Variants in NBPF3 observed in about 807,000 individuals in gnomAD.
The protein encoded by NBPF3 is NBPF family member NBPF3.
A neutral mutation model predicts 78.1 loss-of-function variants in NBPF3; 57 were observed. The ratio of observed to expected loss-of-function variants is 0.73; its 90% CI spans 0.59 to 0.91. NBPF3 has a LOEUF of 0.91. Ranked by LOEUF, NBPF3 falls within the 40% of genes least tolerant of loss-of-function variation. NBPF3 has a pLI of 0.00. For synonymous variants in NBPF3, 182 were observed against 271.7 expected, an observed-to-expected ratio of 0.67 and a Z score of 3.25; for missense variants, 510 against 715.3, an observed-to-expected ratio of 0.71 and a Z score of 3.27.
chr1:21,440,643 A>G (rs773003070), intron 1 of NBPF3, among the ~76,000 whole-genome samples: 3 of 152,082 alleles, frequency 2.0e-5, no homozygotes, highest in Non-Finnish European at 4.4e-5. Context: ...ACGTCCTCCT[A>G]TATCCTGTAG....
chr1:21,446,887 C>T (rs1412757048), intron 2 of NBPF3, among the ~76,000 whole-genome samples: 8 of 152,138 alleles, frequency 5.3e-5, no homozygotes, highest in Admixed American at 4.6e-4. Context: ...CAGAAACCTG[C>T]ACTGTCTAGA....
At chr1:21,447,978 AT>A (rs1014824841) in intron 2 of NBPF3, among the ~76,000 whole-genome samples, 5 of 150,792 alleles carry the variant, frequency 3.3e-5, no homozygotes, top group African/African-American at 1.2e-4. Context: ...TCTTTCACCT[AT>A]TTTTTTTTCT....
At chr1:21,472,763 T>C in intron 5 of NBPF3, 80 bp from the exon 6 acceptor site, 3 of 979,594 alleles carry the variant, frequency 3.1e-6, no homozygotes, top group Non-Finnish European at 5.0e-6. Flanking sequence ...TAGATGTTCA[T>C]GTCTGTGTGC....
chr1:21,470,094 T>C (rs72872291), intron 3 of NBPF3, among the ~76,000 whole-genome samples: 3,911 of 152,318 alleles, frequency 0.026, 157 homozygotes, highest in African/African-American at 0.088. Flanking sequence ...ATTTCCTTCA[T>C]GGCCTTATGG....
At chr1:21,447,212 TTA>T (rs1641039412) in intron 2 of NBPF3, among the ~76,000 whole-genome samples, 1 of 152,246 alleles carries the variant, frequency 6.6e-6, no homozygotes, top group African/African-American at 2.4e-5. Flanking sequence ...TTAGTATGTT[TTA>T]TGAGTGTGGT....
chr1:21,483,069 C>T (rs1362424730), intron 14 of NBPF3, 74 bp from the exon 15 acceptor site: 8 of 1,601,558 alleles, frequency 5.0e-6, no homozygotes, highest in Non-Finnish European at 6.8e-6. Flanking sequence ...CTTATGTTAC[C>T]CCTGAAATCT....
chr1:21,463,801 T>G (rs2147960627), intron 2 of NBPF3, among the ~76,000 whole-genome samples: 1 of 152,216 alleles, frequency 6.6e-6, no homozygotes. Flanking sequence ...AAGCTGTGAG[T>G]AGAGGTTTCT....
chr1:21,479,595 A>G (rs1408774464), intron 10 of NBPF3, among the ~76,000 whole-genome samples, 195 bp downstream of exon 10: 2 of 152,214 alleles, frequency 1.3e-5, no homozygotes. Flanking sequence ...CTCATTTACT[A>G]ACCTAGTGAA....
intron 1 of NBPF3, 122 bp from the exon 2 acceptor site, chr1:21,444,826 A>G (rs1240598474): frequency 2.2e-5 from 8 of 360,814 alleles, no homozygotes; most frequent in Middle Eastern, 8.5e-4. Flanking sequence ...TCTAGTTCCC[A>G]CCACCTTTCA....
At chr1:21,455,675 T>C (rs116104258) in intron 2 of NBPF3, among the ~76,000 whole-genome samples, 28 of 152,266 alleles carry the variant, frequency 1.8e-4, no homozygotes, top group Non-Finnish European at 2.8e-4. Flanking sequence ...TTCAAGACCA[T>C]TGAAGCAACT....
chr1:21,438,006 GAT>G (rs1035292490), upstream of NBPF3, among the ~76,000 whole-genome samples: 15 of 152,118 alleles, frequency 9.9e-5, no homozygotes, highest in African/African-American at 3.6e-4. Flanking sequence ...TTTTAGTAGA[GAT>G]GGGGTTTCTC....
intron 2 of NBPF3, among the ~76,000 whole-genome samples, chr1:21,456,017 A>G (rs572833956): frequency 1.3e-5 from 2 of 152,312 alleles, no homozygotes; most frequent in African/African-American, 2.4e-5. Context: ...AATAAGGCCT[A>G]TTGTTCACCA....
chr1:21,452,006 A>G (rs1641338312), intron 2 of NBPF3: 1 of 174,868 alleles, frequency 5.7e-6, no homozygotes, highest in Non-Finnish European at 1.1e-5. Context: ...AATCTAGCCC[A>G]TATGCTAGCT....
intron 6 of NBPF3, 28 bp from the exon 7 acceptor site, chr1:21,473,351 TG>T: frequency 6.2e-7 from 1 of 1,608,132 alleles, no homozygotes; most frequent in Non-Finnish European, 8.5e-7. Flanking sequence ...TTTAGTCTTC[TG>T]TCATCTCTAT....
rs2147950188 is a variant in NBPF3, at chr1:21,460,808, A to G, written c.134-7880A>G. On this transcript the variant is annotated intron_variant, in intron 2 of 14. Transcript: ENST00000318249. This position sits in a 1 kb window ranked among gnomAD's most constrained non-coding sequence, Gnocchi z 4.2. ...TTATTATGTTGTTGTTTAACAACTT[A>G]AAAGCTATCTGTAGACCAGGAATAG... is the stretch of plus-strand genomic sequence containing the variant. 6.6e-6 allele frequency among the ~76,000 whole-genome samples: 1 copy of G among 152,348 alleles called. No individual in the cohort carries two copies. Among genetic ancestry groups the G allele is most frequent in the African/African-American group, 2.4e-5 (1 of 41,586 alleles).
At chr1:21,482,259 G>A (rs200653410) in intron 13 of NBPF3, among the ~76,000 whole-genome samples, 1 of 102,872 alleles carries the variant, frequency 9.7e-6, no homozygotes, top group South Asian at 3.3e-4. Context: ...AATGATATTG[G>A]GATAATGATC....
intron 2 of NBPF3, among the ~76,000 whole-genome samples, chr1:21,464,662 T>A (rs1271656371): frequency 6.8e-6 from 1 of 146,214 alleles, no homozygotes; most frequent in Admixed American, 7.2e-5. Context: ...AAGCAAGGTG[T>A]CTTTCCACAT....
rs545849931 is a variant in NBPF3, at chr1:21,464,148, G to A, written c.134-4540G>A. Among the ~76,000 whole-genome samples the A allele has an allele frequency of 1.8e-3, 267 of 152,224 alleles. 2 individuals carry two copies. The highest frequency in any genetic ancestry group is 6.0e-3 in the African/African-American group (251 of 41,524). ...ATAACCAAGAAAATGAAAAACAGGT[G>A]TTCACTCAAAAACCTGTACAAAGCT... On this transcript the variant is annotated intron_variant, in intron 2 of 14. Transcript: ENST00000318249.
intron 2 of NBPF3, among the ~76,000 whole-genome samples, chr1:21,449,458 C>CTCTATTTATTTA (rs145038894): frequency 1.3e-5 from 2 of 150,422 alleles, no homozygotes; most frequent in African/African-American, 4.9e-5. Flanking sequence ...AACGAACCAT[C>CTCTATTTATTTA]TTTATTTATT....
Sources: allele counts gnomAD v4.1 joint callset (sites outside exome capture counted in the v4.1 genomes callset), GRCh38; gene constraint gnomAD v4.1.1; non-coding constraint Gnocchi (gnomAD v3.1); transcripts MANE v1.5; gene names NCBI Gene and HGNC (gene_info 2026-07-23, HGNC 2026-07-21).